PCSK6: variants seen among roughly 807,000 people sequenced by gnomAD.
PCSK6 encodes paired basic amino acid cleaving enzyme 4.
PCSK6 carries 85 observed loss-of-function variants against 123.3 expected under a neutral mutation model. That is an observed-to-expected ratio of 0.69 (90% CI 0.58 to 0.83). The LOEUF (loss-of-function observed/expected upper bound fraction) is 0.83, where lower values mean the gene tolerates loss of function less well. PCSK6 is among the 40% of genes least tolerant of loss of function. The probability of loss-of-function intolerance (pLI) is 0.00; values close to 1 mark genes in which losing one functional copy is unlikely to be tolerated. For missense variants in PCSK6, 1,191 were observed against 1,282.3 expected (o/e 0.93, Z 1.09); for synonymous variants, 508 against 516.0 (o/e 0.98, Z 0.21).
At chr15:101,443,754 G>A (rs1054388194) in intron 1 of PCSK6, 94 bp from the exon 2 acceptor site, 2 of 865,572 alleles carry the variant, frequency 2.3e-6, no homozygotes, top group African/African-American at 3.3e-5. Context: ...TTATCTGAGG[G>A]GCTCATTCTC....
At chr15:101,386,322 C>A (rs2042063257) in intron 9 of PCSK6, among the ~76,000 whole-genome samples, 1 of 152,188 alleles carries the variant, frequency 6.6e-6, no homozygotes, top group African/African-American at 2.4e-5. Flanking sequence ...TCACAGGCGT[C>A]TCTCCAGTGG....
intron 13 of PCSK6, among the ~76,000 whole-genome samples, chr15:101,363,264 T>G (rs2041288297): frequency 6.6e-6 from 1 of 152,240 alleles, no homozygotes; most frequent in South Asian, 2.1e-4. Flanking sequence ...TAGGGCTCGT[T>G]GTATTCGGCT....
At chr15:101,439,830 C>T (rs1003891345) in intron 2 of PCSK6, among the ~76,000 whole-genome samples, 27 of 152,162 alleles carry the variant, frequency 1.8e-4, no homozygotes, top group African/African-American at 6.5e-4. Flanking sequence ...AGCTTTAAAG[C>T]ACTGAAATGA....
At chr15:101,341,908 T>C (rs1410159421) in intron 13 of PCSK6, among the ~76,000 whole-genome samples, 1 of 151,968 alleles carries the variant, frequency 6.6e-6, no homozygotes, top group Non-Finnish European at 1.5e-5. Context: ...GGTGTATGGG[T>C]CACTTGAGGT....
chr15:101,370,591 C>G (rs2041553272), intron 11 of PCSK6, 68 bp from the exon 12 acceptor site: 1 of 1,352,974 alleles, frequency 7.4e-7, no homozygotes, highest in Non-Finnish European at 9.6e-7. Context: ...CAGCCAGGAG[C>G]TCCAGCGCCC....
At chr15:101,327,803 T>G (rs1271999959) in intron 15 of PCSK6, among the ~76,000 whole-genome samples, 1 of 152,122 alleles carries the variant, frequency 6.6e-6, no homozygotes, top group Non-Finnish European at 1.5e-5. Context: ...TCTCTGGTGT[T>G]ATTTCCCTAG....
intron 1 of PCSK6, among the ~76,000 whole-genome samples, chr15:101,457,783 C>A (rs1567235282): frequency 6.6e-6 from 1 of 152,172 alleles, no homozygotes; most frequent in Non-Finnish European, 1.5e-5. Flanking sequence ...GTGTGCAATA[C>A]CATTCGTGTC....
intron 11 of PCSK6, among the ~76,000 whole-genome samples, chr15:101,378,549 A>C (rs1174464895): frequency 6.6e-6 from 1 of 152,196 alleles, no homozygotes; most frequent in Non-Finnish European, 1.5e-5. Context: ...TCAATACCTC[A>C]GTTCTGGGGC....
chr15:101,384,071 G>T, intron 10 of PCSK6: 1 of 972,822 alleles, frequency 1.0e-6, no homozygotes, highest in Non-Finnish European at 1.2e-6. Flanking sequence ...TATAGGTGGT[G>T]TCTCGGTGTG....
At chr15:101,435,478 C>G (rs12323978) in intron 2 of PCSK6, among the ~76,000 whole-genome samples, 12,922 of 152,280 alleles carry the variant, frequency 0.085, 600 homozygotes, top group Non-Finnish European at 0.11. Context: ...CCGTCTTTCT[C>G]TGCAAATCTG....
chr15:101,388,365 T>C (rs1254914044), intron 9 of PCSK6, among the ~76,000 whole-genome samples: 4 of 152,250 alleles, frequency 2.6e-5, no homozygotes, highest in Non-Finnish European at 5.9e-5. Flanking sequence ...TTTGAGTTAT[T>C]TGAAAACTCA....
At chr15:101,333,220 C>T (rs1449532222) in intron 13 of PCSK6, among the ~76,000 whole-genome samples, 4 of 152,336 alleles carry the variant, frequency 2.6e-5, no homozygotes, top group East Asian at 1.9e-4. Context: ...CATCACCCCA[C>T]ATAGTTGAGG....
chr15:101,319,355 C>T (rs939587614), intron 18 of PCSK6, among the ~76,000 whole-genome samples: 17 of 151,810 alleles, frequency 1.1e-4, no homozygotes, highest in African/African-American at 4.1e-4. Flanking sequence ...CCCGGAGACT[C>T]CTGCTATGAC....
At chr15:101,429,411 A>AC (rs2056371248) in intron 5 of PCSK6, among the ~76,000 whole-genome samples, 1 of 151,838 alleles carries the variant, frequency 6.6e-6, no homozygotes. Context: ...CATCTCACTG[A>AC]CCCCTCCTGT....
intron 13 of PCSK6, among the ~76,000 whole-genome samples, chr15:101,333,461 T>C (rs79089994): frequency 0.15 from 22,819 of 152,260 alleles, 2,050 homozygotes; most frequent in Non-Finnish European, 0.19. Context: ...GAAAAATCCC[T>C]GCTTCCTCTT....
rs2056465165 is a variant in PCSK6 at position 101,432,095 on chromosome 15, T to C, written c.408A>G (p.Lys136=). ...GTTTCACTTCCTGTTGCTGGAGCCA[T>C]TTCACCTACCAGAAGAAATGCAATT... ...HTFLRMDPQV[K]WLQQQEVKRR... The change falls in exon 3 of 22, where the codon AAA becomes AAG. Residue 136 remains lysine, a synonymous_variant. Coordinates refer to ENST00000611716, the MANE Select transcript of PCSK6 (RefSeq NM_002570.5). 1.9e-6 allele frequency: 3 copies of C among 1,612,712 alleles called. No homozygotes were observed. The highest frequency in any genetic ancestry group is 2.5e-6 in the Non-Finnish European group (3 of 1,179,244).
intron 13 of PCSK6, among the ~76,000 whole-genome samples, chr15:101,361,997 T>C (rs1345474727): frequency 1.5e-4 from 20 of 136,852 alleles, no homozygotes; most frequent in Non-Finnish European, 2.6e-4. Flanking sequence ...TGCTCTATCA[T>C]CCAGGCTGGA....
chr15:101,406,039 G>A (rs748870592), intron 6 of PCSK6, among the ~76,000 whole-genome samples: 17 of 152,128 alleles, frequency 1.1e-4, no homozygotes, highest in Admixed American at 3.9e-4. Context: ...CACCGTACCC[G>A]GCCGCCTGCT....
intron 6 of PCSK6, among the ~76,000 whole-genome samples, chr15:101,426,138 A>G (rs1381499299): frequency 6.6e-6 from 1 of 152,156 alleles, no homozygotes; most frequent in Non-Finnish European, 1.5e-5. Context: ...AGCAACACAA[A>G]TGGTTTTTAT....
Sources: allele counts gnomAD v4.1 joint callset (sites outside exome capture counted in the v4.1 genomes callset), GRCh38; gene constraint gnomAD v4.1.1; transcripts MANE v1.5; gene names NCBI Gene and HGNC (gene_info 2026-07-23, HGNC 2026-07-21).